KTN1: variants seen among roughly 807,000 people sequenced by gnomAD.
KTN1 encodes kinectin.
In KTN1, 130 loss-of-function variants were observed where a neutral mutation model predicts 222.5. The observed-to-expected ratio is 0.58, with a 90% confidence interval of 0.51 to 0.68. The LOEUF (loss-of-function observed/expected upper bound fraction) is 0.68, where lower values mean the gene tolerates loss of function less well. KTN1 is among the 30% of genes least tolerant of loss of function. KTN1 has a pLI of 0.00. For missense variants in KTN1, 1,508 were observed against 1,500.4 expected (o/e 1.01, Z -0.08); for synonymous variants, 512 against 496.3 (o/e 1.03, Z -0.42).
chr14:55,646,459 CT>C (rs61187572), intron 18 of KTN1, among the ~76,000 whole-genome samples: 136 of 51,644 alleles, frequency 2.6e-3, no homozygotes, highest in African/African-American at 5.8e-3. Context: ...TTTCCTTTTC[CT>C]TTTCCTTTCC....
At chr14:55,620,594 C>G (rs1226385583) in intron 5 of KTN1, among the ~76,000 whole-genome samples, 1 of 152,184 alleles carries the variant, frequency 6.6e-6, no homozygotes, top group African/African-American at 2.4e-5. Flanking sequence ...GTTGAAGCTG[C>G]TAAGGCTTGG....
At chr14:55,640,339 T>TA (rs2041644615) in intron 14 of KTN1, 35 bp from the exon 15 acceptor site, 1 of 1,313,364 alleles carries the variant, frequency 7.6e-7, no homozygotes, top group Non-Finnish European at 1.1e-6. Context: ...ATCAGTTGTA[T>TA]TAAGTATTTT....
intron 29 of KTN1, 156 bp downstream of exon 29, chr14:55,656,288 C>T (rs1466461917): frequency 8.4e-6 from 5 of 594,104 alleles, no homozygotes; most frequent in African/African-American, 3.8e-5. Context: ...TGAGTAAGTA[C>T]CCATGCATAA....
chr14:55,670,234 A>G (rs1278488450), intron 34 of KTN1, among the ~76,000 whole-genome samples: 3 of 152,044 alleles, frequency 2.0e-5, no homozygotes, highest in Non-Finnish European at 1.5e-5. Flanking sequence ...TCCTTGGAGC[A>G]TTTTCACAGA....
intron 22 of KTN1, 54 bp downstream of exon 22, chr14:55,649,867 TTG>T: frequency 1.0e-6 from 1 of 993,272 alleles, no homozygotes; most frequent in East Asian, 2.6e-5. Context: ...CATTTTTTTT[TTG>T]TGTGTGCTTA....
At chr14:55,651,501 T>A (rs371021634) in intron 24 of KTN1, 2 of 382,750 alleles carry the variant, frequency 5.2e-6, no homozygotes, top group South Asian at 2.0e-5. Flanking sequence ...GTGTGGAGAG[T>A]TAATATTCTA....
chr14:55,619,544 C>A (rs562946883), intron 5 of KTN1, among the ~76,000 whole-genome samples: 98 of 152,246 alleles, frequency 6.4e-4, no homozygotes, highest in African/African-American at 2.3e-3. Context: ...AAATGGCTCA[C>A]AGTTCTACGT....
At chr14:55,648,551 A>G (rs1046739468) in intron 20 of KTN1, among the ~76,000 whole-genome samples, 3 of 152,224 alleles carry the variant, frequency 2.0e-5, no homozygotes, top group African/African-American at 7.2e-5. Flanking sequence ...TGTATACTGT[A>G]TATTTTTGAG....
chr14:55,648,996 A>T, intron 21 of KTN1, 126 bp downstream of exon 21: 1 of 648,814 alleles, frequency 1.5e-6, no homozygotes, highest in Non-Finnish European at 2.7e-6. Flanking sequence ...TACAATCATA[A>T]CTCACCGTAA....
intron 11 of KTN1, 27 bp downstream of exon 11, chr14:55,637,391 A>C: frequency 7.9e-7 from 1 of 1,267,796 alleles, no homozygotes; most frequent in Non-Finnish European, 1.1e-6. Flanking sequence ...TTTTTTTTTT[A>C]AAAAAATACA....
Position 55,634,581 on chromosome 14 carries a change from C to T in KTN1, c.1384C>T (p.Leu462=). Residue 462 remains leucine, a synonymous_variant, in exon 9 of 44, where the codon CTG becomes TTG. Transcript: ENST00000395314. ...GGATTATGCTAGGTTGGTGAATGAG[C>T]TGACTGAGAAAACAGGAAAGCTACA... is the stretch of plus-strand genomic sequence containing the variant. ...RQDYARLVNE[L]TEKTGKLQQE... is the part of the protein sequence containing the mutation. 1 of 1,613,678 alleles carries T rather than the reference C, an allele frequency of 6.2e-7. No individual in the cohort carries two copies. Among genetic ancestry groups the T allele is most frequent in the South Asian group, 1.1e-5 (1 of 91,042 alleles).
rs939788979 is a variant in KTN1 at position 55,648,103 on chromosome 14, A to G, written c.2286A>G (p.Glu762=). Residue 762 remains glutamate (E), a synonymous_variant, in exon 20 of 44, where the codon GAA becomes GAG. Coordinates refer to ENST00000395314, the MANE Select transcript of KTN1 (RefSeq NM_001079521.2). ...ETGLIQVATK[E]EELNAIRTEN... is the part of the protein sequence containing the mutation. The stretch of plus-strand genomic sequence containing the variant: ...GACTTATTCAGGTGGCAACTAAAGA[A>G]GAGGAGCTGAATGTAAAGCATTTTG... 6.5e-7 allele frequency: 1 copy of G among 1,543,218 alleles called. No individual in the cohort carries two copies. Among genetic ancestry groups the G allele is most frequent in the Admixed American group, 1.9e-5 (1 of 53,286 alleles).
At chr14:55,594,555 A>G (rs1320808582) in intron 1 of KTN1, among the ~76,000 whole-genome samples, 1 of 150,314 alleles carries the variant, frequency 6.7e-6, no homozygotes, top group Admixed American at 6.6e-5. Context: ...GTTGTGTGAA[A>G]TATTTTTGCT....
At chr14:55,673,460 C>A (rs1221833572) in intron 40 of KTN1, 1 of 376,464 alleles carries the variant, frequency 2.7e-6, no homozygotes, top group African/African-American at 2.1e-5. Flanking sequence ...TTCTTAGCTC[C>A]TAACAATGGC....
chr14:55,580,672 C>T (rs866757951), intron 1 of KTN1, among the ~76,000 whole-genome samples: 2 of 152,116 alleles, frequency 1.3e-5, no homozygotes, highest in Middle Eastern at 3.4e-3. Context: ...TCCCCAAGGA[C>T]GACTCTCCCG....
chr14:55,622,512 A>G (rs2039291655), intron 5 of KTN1, among the ~76,000 whole-genome samples: 1 of 152,230 alleles, frequency 6.6e-6, no homozygotes, highest in Non-Finnish European at 1.5e-5. Flanking sequence ...CAAATTTTCA[A>G]GGGTTACCTA....
intron 1 of KTN1, among the ~76,000 whole-genome samples, chr14:55,583,187 A>G (rs1221948831): frequency 6.6e-6 from 1 of 152,186 alleles, no homozygotes; most frequent in Non-Finnish European, 1.5e-5. Context: ...GTCTAGAGAA[A>G]GAGAAATAAT....
chr14:55,676,102 G>A (rs1021933633), intron 41 of KTN1, among the ~76,000 whole-genome samples, 184 bp downstream of exon 41: 1 of 152,064 alleles, frequency 6.6e-6, no homozygotes, highest in Non-Finnish European at 1.5e-5. Flanking sequence ...GTTTTTCCAG[G>A]ATTCTTAATT....
chr14:55,671,562 G>A lies in KTN1; in HGVS notation c.3349-4G>A. On this transcript the variant is annotated splice_polypyrimidine_tract_variant and splice_region_variant and intron_variant, in intron 35 of 43. Transcript: ENST00000395314. ...GGAGTTTTTCTTTATTTCGTTCTTT[G>A]CAGGTTCTAGAGCACAAGTTGAAAG... The A allele has an allele frequency of 2.5e-6, 4 of 1,600,390 alleles. No homozygotes were observed. Among genetic ancestry groups the A allele is most frequent in the Non-Finnish European group, 3.4e-6 (4 of 1,174,952 alleles).
Sources: gnomAD v4.1 joint callset for allele counts (sites outside exome capture counted in the v4.1 genomes callset) on GRCh38, gnomAD v4.1.1 for gene constraint, MANE v1.5 for transcripts, NCBI Gene and HGNC (gene_info 2026-07-23, HGNC 2026-07-21) for gene names.